The following C2orf49 variants were observed in gnomAD, a reference collection of about 807,000 sequenced individuals.
The protein encoded by C2orf49 is tRNA splicing ligase complex subunit 2, also known as tRNA-splicing ligase complex subunit ASW.
Under a neutral mutation model 20.6 loss-of-function variants are expected in C2orf49, and 11 were observed. The observed-to-expected ratio is 0.53, with a 90% CI of 0.34 to 0.88. The LOEUF is 0.88. Among genes scored for constraint, C2orf49 ranks in the 40% least tolerant of loss-of-function variants. The pLI, the probability that C2orf49 is intolerant of heterozygous loss-of-function variation, is 0.02. For synonymous variants in C2orf49, 134 were observed against 108.5 expected, an observed-to-expected ratio of 1.24 and a Z score of -1.46; for missense variants, 289 against 274.2, an observed-to-expected ratio of 1.05 and a Z score of -0.38.
the C2orf49 span, among the ~76,000 whole-genome samples, chr2:105,365,842 C>CA: frequency 6.7e-6 from 1 of 149,046 alleles, no homozygotes; most frequent in African/African-American, 2.5e-5. Context: ...GAAACTGTCT[C>CA]AAAAAAAGAA....
At chr2:105,351,870 C>T (rs1309108032), downstream of C2orf49, among the ~76,000 whole-genome samples, 1 of 152,174 alleles carries the variant, frequency 6.6e-6, no homozygotes, top group Non-Finnish European at 1.5e-5. Flanking sequence ...CCTATATTAA[C>T]CCCTATAGGT....
chr2:105,379,608 A>G, the C2orf49 span, among the ~76,000 whole-genome samples: 2 of 152,232 alleles, frequency 1.3e-5, no homozygotes, highest in African/African-American at 4.8e-5. Flanking sequence ...TCCACCTGAA[A>G]TGATCCGACA....
the C2orf49 span, among the ~76,000 whole-genome samples, chr2:105,380,267 G>T: frequency 6.6e-6 from 1 of 152,208 alleles, no homozygotes; most frequent in Admixed American, 6.5e-5. Context: ...CTAGAAGCGA[G>T]ATTGTCATTG....
the C2orf49 span, among the ~76,000 whole-genome samples, chr2:105,380,626 C>T: frequency 3.3e-5 from 5 of 152,146 alleles, no homozygotes; most frequent in African/African-American, 1.2e-4. Flanking sequence ...CATTAGTACT[C>T]CATTGTGAAC....
chr2:105,352,777 A>G (rs1679968548), downstream of C2orf49, among the ~76,000 whole-genome samples: 1 of 152,070 alleles, frequency 6.6e-6, no homozygotes, highest in Non-Finnish European at 1.5e-5. Context: ...CAGTTGTTCA[A>G]TCTAGATAAA....
the C2orf49 span, among the ~76,000 whole-genome samples, chr2:105,383,984 G>C: frequency 1.3e-5 from 2 of 152,142 alleles, no homozygotes; most frequent in African/African-American, 4.8e-5. Flanking sequence ...TGATGATTTT[G>C]GCTCCATTTG....
chr2:105,354,960 G>T, the C2orf49 span, among the ~76,000 whole-genome samples: 2 of 152,186 alleles, frequency 1.3e-5, no homozygotes, highest in Non-Finnish European at 2.9e-5. Flanking sequence ...AAACATAAAA[G>T]CACAGAAGAG....
chr2:105,379,286 A>G, the C2orf49 span, among the ~76,000 whole-genome samples: 4 of 152,210 alleles, frequency 2.6e-5, no homozygotes, highest in African/African-American at 4.8e-5. Flanking sequence ...GGATGTTAGT[A>G]TAAGTCATTA....
At chr2:105,378,278 T>C in the C2orf49 span, 1 of 441,558 alleles carries the variant, frequency 2.3e-6, no homozygotes, top group Non-Finnish European at 4.7e-6. Context: ...CCTCTAAATG[T>C]GGATATTATC....
At chr2:105,362,861 C>T in the C2orf49 span, among the ~76,000 whole-genome samples, 1 of 152,198 alleles carries the variant, frequency 6.6e-6, no homozygotes, top group African/African-American at 2.4e-5. Context: ...TAGCTATGGC[C>T]TTGTGGTAGA....
chr2:105,345,591 C>A lies in C2orf49; in HGVS notation c.*220C>A, dbSNP rs755852862. 41 of 565,484 alleles carry A rather than the reference C, an allele frequency of 7.3e-5. 1 individual carries two copies. The highest frequency in any genetic ancestry group is 1.0e-4 in the Non-Finnish European group (33 of 318,274). 35.0% of individuals were successfully genotyped at this position (565,484 alleles called of 1,614,324 possible). On this transcript the variant is annotated 3_prime_UTR_variant, in exon 4 of 4. Transcript: ENST00000258457. The stretch of plus-strand genomic sequence containing the variant: ...TCTTGCCCTGATTAGGAAAGAATAT[C>A]TTTTTAAACCAATGGCTTAGTATAT...
chr2:105,345,332 A>T lies in C2orf49; in HGVS notation c.660A>T (p.Pro220=). ...EAEAMNNLKP[P]QAKRKIQHVT... ...TCTTTCAGAATAACCTGAAGCCCCC[A>T]CAAGCAAAAAGGAAGATACAACATG... is the stretch of plus-strand genomic sequence containing the variant. Residue 220 remains proline (P), a synonymous_variant, in exon 4 of 4, where the codon CCA becomes CCT. Coordinates refer to ENST00000258457, the MANE Select transcript of C2orf49 (RefSeq NM_024093.3). The T allele has an allele frequency of 6.2e-7, 1 of 1,613,362 alleles. No homozygotes were observed. Among genetic ancestry groups the T allele is most frequent in the Non-Finnish European group, 8.5e-7 (1 of 1,179,822 alleles).
chr2:105,371,546 ATCTCTCTC>A, the C2orf49 span, among the ~76,000 whole-genome samples: 10 of 140,970 alleles, frequency 7.1e-5, no homozygotes, highest in Non-Finnish European at 1.1e-4. Context: ...ATCCCTTGAA[ATCTCTCTC>A]TCTCTCTCTC....
chr2:105,352,453 T>G (rs1679960392), downstream of C2orf49, among the ~76,000 whole-genome samples: 1 of 36,084 alleles, frequency 2.8e-5, no homozygotes, highest in Non-Finnish European at 8.1e-5. Flanking sequence ...TTTTTTTTCG[T>G]TTTTTTTTTG....
At chr2:105,342,516 C>G (rs758258692) in intron 2 of C2orf49, among the ~76,000 whole-genome samples, 1 of 152,116 alleles carries the variant, frequency 6.6e-6, no homozygotes, top group Non-Finnish European at 1.5e-5. Context: ...GTTAAGATAA[C>G]CCTATCAATA....
chr2:105,353,482 C>A (rs34990974), downstream of C2orf49, among the ~76,000 whole-genome samples: 23,196 of 152,054 alleles, frequency 0.15, 2,049 homozygotes, highest in Middle Eastern at 0.22. Context: ...ATTTCCATCT[C>A]AGTGTTTAAA....
rs1406449454 is a variant in C2orf49 at position 105,342,976 on chromosome 2, C to G, written c.395C>G (p.Ala132Gly). The change falls in exon 3 of 4, where the codon GCA becomes GGA. Residue 132 changes from alanine to glycine, a missense_variant. Ala to Gly is a moderately conservative substitution (Grantham distance 60). Transcript: ENST00000258457. ...DNDRLKPPPQ[A>G]SFTSNAFRKL... ...GATCGACTGAAGCCTCCCCCGCAGG[C>G]AAGCTTTACCAGTAATGCCTTTAGA... 6.8e-6 allele frequency: 11 copies of G among 1,614,244 alleles called. No individual in the cohort carries two copies. Among genetic ancestry groups the G allele is most frequent in the Non-Finnish European group, 9.3e-6 (11 of 1,180,052 alleles).
Position 105,349,116 on chromosome 2 carries a change from G to A in C2orf49, c.*3745G>A, listed in dbSNP as rs1323096892. Reference sequence around the variant, plus strand: ...TAGAGATTCAGTTGAGAGATTTTATGTTAGAGTGATCTGAAAAAAAGTTAA... The same window carrying A: ...TAGAGATTCAGTTGAGAGATTTTATATTAGAGTGATCTGAAAAAAAGTTAA... On this transcript the variant is annotated 3_prime_UTR_variant, in exon 4 of 4. Coordinates refer to ENST00000258457, the MANE Select transcript of C2orf49 (RefSeq NM_024093.3). 2 of 152,138 alleles carry A rather than the reference G, an allele frequency of 1.3e-5. No individual in the cohort carries two copies. Among genetic ancestry groups the A allele is most frequent in the African/African-American group, 4.8e-5 (2 of 41,434 alleles). 9.4% of individuals were successfully genotyped at this position (152,138 alleles called of 1,614,324 possible).
At chr2:105,377,387 T>C in the C2orf49 span, among the ~76,000 whole-genome samples, 1 of 152,174 alleles carries the variant, frequency 6.6e-6, no homozygotes, top group Non-Finnish European at 1.5e-5. Flanking sequence ...TCCCAGCACT[T>C]TGGGAGGCCG....
Sources: allele counts gnomAD v4.1 joint callset (sites outside exome capture counted in the v4.1 genomes callset), GRCh38; gene constraint gnomAD v4.1.1; transcripts MANE v1.5; gene names NCBI Gene and HGNC (gene_info 2026-07-23, HGNC 2026-07-21).